MCM9: variants seen among roughly 807,000 people sequenced by gnomAD.
The protein encoded by MCM9 is DNA helicase MCM9.
Under a neutral mutation model 72.8 loss-of-function variants are expected in MCM9, and 55 were observed. That is an observed-to-expected ratio of 0.76 (90% CI 0.61 to 0.95). The LOEUF is 0.95. Among genes scored for constraint, MCM9 ranks in the 40% least tolerant of loss-of-function variants. MCM9 has a pLI of 0.00. For missense variants in MCM9, 1,279 were observed against 1,377.0 expected (o/e 0.93, Z 1.13); for synonymous variants, 480 against 503.4 (o/e 0.95, Z 0.62).
chr6:118,881,361 C>T lies in MCM9; in HGVS notation c.1151-24816G>A, dbSNP rs1478329563. Among the ~76,000 whole-genome samples the T allele has an allele frequency of 1.3e-4, 20 of 152,082 alleles. 1 individual carries two copies. Among genetic ancestry groups the T allele is most frequent in the Admixed American group, 1.2e-3 (19 of 15,260 alleles). On this transcript the variant is annotated intron_variant, in intron 8 of 13. Transcript: ENST00000619706. ...CTTTCCATTTCCCAACTAGTACCTCCAGTCAATACATATTTATACACACCC... is the reference window on the plus strand; with the variant it reads ...CTTTCCATTTCCCAACTAGTACCTCTAGTCAATACATATTTATACACACCC...
chr6:118,924,028 A>G lies in MCM9; in HGVS notation c.404T>C (p.Leu135Pro), dbSNP rs1781662897. The change falls in exon 4 of 14, where the codon CTG becomes CCG. Residue 135 changes from leucine to proline, a missense_variant. Transcript: ENST00000619706. ...CCGCTCAAACTCCAGAACCTTCACCAGACTTGTTCGAATCACTGTCCCAGT... is the reference window on the plus strand; with the variant it reads ...CCGCTCAAACTCCAGAACCTTCACCGGACTTGTTCGAATCACTGTCCCAGT... ...SVTGTVIRTS[L>P]VKVLEFERDY... is the part of the protein sequence containing the mutation. The G allele has an allele frequency of 1.9e-6, 3 of 1,614,238 alleles. No individual in the cohort carries two copies. The African/African-American group carries it at 4.0e-5, about 22-fold the overall frequency.
chr6:118,916,118 G>A (rs1780923320), intron 6 of MCM9, among the ~76,000 whole-genome samples: 1 of 151,604 alleles, frequency 6.6e-6, no homozygotes, highest in Admixed American at 6.6e-5. Context: ...TTTGGGAGAC[G>A]GAAGTGTGAG....
intron 6 of MCM9, among the ~76,000 whole-genome samples, chr6:118,916,579 C>T (rs1278405417): frequency 2.0e-5 from 3 of 151,700 alleles, no homozygotes; most frequent in Non-Finnish European, 4.4e-5. Flanking sequence ...CTGTCTCACC[C>T]TCACAAGTTG....
intron 9 of MCM9, among the ~76,000 whole-genome samples, chr6:118,838,805 G>T (rs1775153822): frequency 6.6e-6 from 1 of 152,196 alleles, no homozygotes; most frequent in African/African-American, 2.4e-5. Flanking sequence ...TCCACTGTTA[G>T]TCTGATGGGT....
chr6:118,894,877 C>T (rs1405142276), intron 8 of MCM9, among the ~76,000 whole-genome samples: 2 of 152,164 alleles, frequency 1.3e-5, no homozygotes, highest in Admixed American at 6.5e-5. Flanking sequence ...CCTCCGCGAC[C>T]CTCCGGGCCC....
intron 5 of MCM9, chr6:118,919,565 C>T (rs550400672): frequency 6.6e-6 from 1 of 152,208 alleles, no homozygotes; most frequent in East Asian, 1.9e-4. Context: ...TCAATATATA[C>T]GTGTTTTCTT....
intron 9 of MCM9, among the ~76,000 whole-genome samples, chr6:118,848,922 CA>C (rs910232957): frequency 9.4e-5 from 13 of 138,766 alleles, no homozygotes; most frequent in African/African-American, 1.4e-4. Flanking sequence ...ACTTTGTTTC[CA>C]AAAAAAAAAG....
intron 13 of MCM9, 104 bp downstream of exon 13, chr6:118,826,043 C>A: frequency 1.6e-6 from 2 of 1,282,684 alleles, no homozygotes; most frequent in Non-Finnish European, 1.1e-6. Flanking sequence ...ACTGACCCAA[C>A]ACCTGATAGA....
rs565182896 is a variant in MCM9 at position 118,853,353 on chromosome 6, T to G, written c.1325+3018A>C. Among the ~76,000 whole-genome samples, 6 of 152,292 alleles carry G rather than the reference T, an allele frequency of 3.9e-5. No homozygotes were observed. The South Asian group carries it at 1.0e-3, about 26-fold the overall frequency. On this transcript the variant is annotated intron_variant, in intron 9 of 13. Transcript: ENST00000619706. ...CTTAAAACAACGTAAGTCCTCCAAA[T>G]TTGTTCTGTTTCAAAGTCACTTTGG...
At chr6:118,843,706 A>ATATATATATG (rs1775647750) in intron 9 of MCM9, among the ~76,000 whole-genome samples, 1 of 72,146 alleles carries the variant, frequency 1.4e-5, no homozygotes, top group African/African-American at 6.2e-5. Flanking sequence ...ATATATATGT[A>ATATATATATG]TGTATATATA....
At chr6:118,895,588 G>C (rs1178553262) in intron 8 of MCM9, among the ~76,000 whole-genome samples, 1 of 151,666 alleles carries the variant, frequency 6.6e-6, no homozygotes, top group Non-Finnish European at 1.5e-5. Context: ...AAGAATTCTT[G>C]GTATTTTTTC....
At position 118,815,496 on chromosome 6, in the gene MCM9, C is replaced by T. The variant is rs985955020; in HGVS notation, c.2760G>A (p.Leu920=). ...ACTTCTGCTTGAAAGTAAATTTTGC[C>T]AGTTTGGCCACAGGGGAACCTGGAG... ...VKPPGSPVAK[L]AKFTFKQKSK... The change falls in exon 14 of 14, where the codon CTG becomes CTA. Residue 920 remains leucine (L), a synonymous_variant. Transcript: ENST00000619706. 6.5e-6 allele frequency: 10 copies of T among 1,547,154 alleles called. No individual in the cohort carries two copies. In the African/African-American group the frequency reaches 1.2e-4, roughly 19 times the overall value.
intron 8 of MCM9, among the ~76,000 whole-genome samples, chr6:118,884,949 C>T (rs999066161): frequency 6.6e-6 from 1 of 152,168 alleles, no homozygotes; most frequent in African/African-American, 2.4e-5. Context: ...GTAATCCCAG[C>T]ACTTTAGGAG....
intron 6 of MCM9, among the ~76,000 whole-genome samples, chr6:118,914,202 G>T (rs541232832): frequency 6.6e-6 from 1 of 152,180 alleles, no homozygotes; most frequent in Non-Finnish European, 1.5e-5. Flanking sequence ...CCCTAGCAGT[G>T]TAAGTATGAG....
At chr6:118,863,662 T>A (rs986638374) in intron 8 of MCM9, among the ~76,000 whole-genome samples, 8 of 152,102 alleles carry the variant, frequency 5.3e-5, no homozygotes, top group African/African-American at 1.9e-4. Context: ...GTAATTAGGA[T>A]TAGATGAGAT....
chr6:118,855,518 C>T (rs901337470), intron 9 of MCM9, among the ~76,000 whole-genome samples: 2 of 151,754 alleles, frequency 1.3e-5, no homozygotes, highest in Admixed American at 1.3e-4. Flanking sequence ...CTACTCTCCC[C>T]CCCTCCCTCT....
chr6:118,833,331 A>G (rs1774723943), intron 9 of MCM9, among the ~76,000 whole-genome samples: 1 of 152,228 alleles, frequency 6.6e-6, no homozygotes, highest in South Asian at 2.1e-4. Context: ...AATTGCTTCT[A>G]GACCCCAGAC....
At chr6:118,864,295 G>A (rs1777085038) in intron 8 of MCM9, among the ~76,000 whole-genome samples, 1 of 152,016 alleles carries the variant, frequency 6.6e-6, no homozygotes, top group Non-Finnish European at 1.5e-5. Context: ...ACTTGTAAGT[G>A]AGAACAAACA....
chr6:118,828,889 G>GT, intron 10 of MCM9, 159 bp downstream of exon 10: 1 of 679,748 alleles, frequency 1.5e-6, no homozygotes, highest in Non-Finnish European at 2.4e-6. Flanking sequence ...CTGAGGCCCC[G>GT]TAAGTGGCTC....
Sources: gnomAD v4.1 joint callset for allele counts (sites outside exome capture counted in the v4.1 genomes callset) on GRCh38, gnomAD v4.1.1 for gene constraint, MANE v1.5 for transcripts, NCBI Gene and HGNC (gene_info 2026-07-23, HGNC 2026-07-21) for gene names.